The following NSUN6 variants were observed in gnomAD, a reference collection of about 807,000 sequenced individuals.
NSUN6 encodes the protein NOP2/Sun RNA methyltransferase 6.
Under a neutral mutation model 58.0 loss-of-function variants are expected in NSUN6, and 64 were observed. That is an observed-to-expected ratio of 1.10 (90% CI 0.90 to 1.36). The LOEUF is 1.36. NSUN6 is among the 40% of genes most tolerant of loss of function. NSUN6 has a pLI of 0.00. For synonymous variants in NSUN6, 231 were observed against 193.9 expected (o/e 1.19, Z -1.59); for missense variants, 701 against 550.1 (o/e 1.27, Z -2.74).
intron 4 of NSUN6, 128 bp downstream of exon 4, chr10:18,616,056 A>T: frequency 1.6e-6 from 1 of 616,346 alleles, no homozygotes; most frequent in South Asian, 2.0e-5. Flanking sequence ...CCCTAAATGC[A>T]AAGCTGGAAA....
chr10:18,605,679 G>C (rs1418397432), intron 6 of NSUN6, among the ~76,000 whole-genome samples: 1 of 152,176 alleles, frequency 6.6e-6, no homozygotes. Flanking sequence ...CATGGCTGTG[G>C]TCTAACTCCA....
chr10:18,616,505 T>G (rs1486200603), intron 3 of NSUN6, among the ~76,000 whole-genome samples: 1 of 151,934 alleles, frequency 6.6e-6, no homozygotes, highest in Non-Finnish European at 1.5e-5. Flanking sequence ...AATCAAGAGG[T>G]CCATCTGCTG....
At chr10:18,576,776 T>C (rs1367421024) in intron 8 of NSUN6, among the ~76,000 whole-genome samples, 2 of 152,120 alleles carry the variant, frequency 1.3e-5, no homozygotes, top group Non-Finnish European at 2.9e-5. Context: ...CCCGAGCAGA[T>C]TGTGGTGGTA....
At chr10:18,575,167 G>A (rs899167001) in intron 8 of NSUN6, among the ~76,000 whole-genome samples, 1 of 152,142 alleles carries the variant, frequency 6.6e-6, no homozygotes, top group African/African-American at 2.4e-5. Flanking sequence ...GGGGGCCCCA[G>A]GCCATGTGTG....
At chr10:18,652,362 C>T, upstream of NSUN6, 1 of 983,060 alleles carries the variant, frequency 1.0e-6, no homozygotes, top group Non-Finnish European at 1.2e-6. Flanking sequence ...TTTTGCAGCA[C>T]ACCATGGTAA....
At chr10:18,566,588 C>T (rs2055971974) in intron 8 of NSUN6, among the ~76,000 whole-genome samples, 1 of 150,750 alleles carries the variant, frequency 6.6e-6, no homozygotes, top group Non-Finnish European at 1.5e-5. Context: ...ATTCTACTCT[C>T]CATTCCATTC....
intron 3 of NSUN6, among the ~76,000 whole-genome samples, chr10:18,622,656 C>T: frequency 6.6e-6 from 1 of 152,154 alleles, no homozygotes. Flanking sequence ...TTGCAGTGAG[C>T]AGAGATCGTG....
At chr10:18,639,455 C>T (rs1644443532) in intron 3 of NSUN6, among the ~76,000 whole-genome samples, 2 of 152,116 alleles carry the variant, frequency 1.3e-5, no homozygotes, top group Non-Finnish European at 2.9e-5. Context: ...GGTCACATCA[C>T]TGCACTCCAG....
chr10:18,562,942 G>A (rs1225886044), intron 8 of NSUN6, among the ~76,000 whole-genome samples: 2 of 150,844 alleles, frequency 1.3e-5, no homozygotes, highest in African/African-American at 4.9e-5. Context: ...GAATGGAATG[G>A]AGAATGGAAT....
chr10:18,581,034 A>C (rs1327566489), intron 8 of NSUN6, among the ~76,000 whole-genome samples: 1 of 152,118 alleles, frequency 6.6e-6, no homozygotes, highest in Non-Finnish European at 1.5e-5. Context: ...TGACCTTCTG[A>C]CTTGGGGTTT....
At chr10:18,551,236 C>T (rs536232385) in intron 9 of NSUN6, among the ~76,000 whole-genome samples, 2 of 99,840 alleles carry the variant, frequency 2.0e-5, no homozygotes, top group East Asian at 8.5e-4. Context: ...AAAACTAGGT[C>T]CTCTCAGTTG....
In NSUN6 at chr10:18,552,130, C is replaced by T. The variant is rs538578074; in HGVS notation, c.923-159G>A. 2.2e-4 allele frequency among the ~76,000 whole-genome samples: 33 copies of T among 151,944 alleles called. 1 individual carries two copies. In the South Asian group the frequency reaches 6.9e-3, roughly 32 times the overall value. ...CTGGTTAAACTAATTTTGACTTATACCTAATACAGATTTGATGTGGTAGAA... is the reference window on the plus strand; with the variant it reads ...CTGGTTAAACTAATTTTGACTTATATCTAATACAGATTTGATGTGGTAGAA... On this transcript the variant is annotated intron_variant, in intron 8 of 10. Coordinates refer to ENST00000377304, the MANE Select transcript of NSUN6 (RefSeq NM_182543.5).
At chr10:18,627,194 C>A (rs909385838) in intron 3 of NSUN6, among the ~76,000 whole-genome samples, 1 of 152,028 alleles carries the variant, frequency 6.6e-6, no homozygotes, top group African/African-American at 2.4e-5. Context: ...CTGAAGAAAC[C>A]AAAATTTTAT....
chr10:18,631,674 A>T (rs1171948619), intron 3 of NSUN6, among the ~76,000 whole-genome samples: 1 of 147,742 alleles, frequency 6.8e-6, no homozygotes, highest in Non-Finnish European at 1.5e-5. Flanking sequence ...AGAGAATAAA[A>T]TGCCTAGGAA....
intron 8 of NSUN6, among the ~76,000 whole-genome samples, chr10:18,555,966 G>T (rs1306004281): frequency 6.7e-6 from 1 of 149,986 alleles, no homozygotes; most frequent in Admixed American, 6.7e-5. Flanking sequence ...AAATGGTATG[G>T]AATGGAGAAT....
chr10:18,566,965 C>T (rs575772467), intron 8 of NSUN6, among the ~76,000 whole-genome samples: 30 of 150,914 alleles, frequency 2.0e-4, no homozygotes, highest in African/African-American at 5.3e-4. Flanking sequence ...CATTCTATTC[C>T]ATTCTCCATT....
chr10:18,547,915 C>A (rs1174295142), intron 10 of NSUN6, among the ~76,000 whole-genome samples, 197 bp downstream of exon 10: 2 of 152,086 alleles, frequency 1.3e-5, no homozygotes, highest in African/African-American at 4.8e-5. Context: ...ATGGCAGGAA[C>A]AAAGATGAGA....
chr10:18,609,983 A>G (rs2058176042), intron 5 of NSUN6, 57 bp from the exon 6 acceptor site: 3 of 1,036,850 alleles, frequency 2.9e-6, no homozygotes, highest in East Asian at 2.4e-5. Context: ...TATACAAACT[A>G]TGTTTCCAGA....
Position 18,546,005 on chromosome 10 carries a change from G to T in NSUN6, c.1338C>A (p.Asp446Glu). Residue 446 changes from aspartate (D) to glutamate (E), a missense_variant, in exon 11 of 11, where the codon GAC becomes GAA. Physicochemically the swap from Asp to Glu is conservative, Grantham distance 45 (BLOSUM62 2). Transcript: ENST00000377304. ...MDSLREARRE[D>E]MLRLANKDSI... Reference sequence around the variant, plus strand: ...AGTCCTTATTAGCCAGACGCAACATGTCTTCTCTTCTGGCCTCTCTAAGAG... The same window carrying T: ...AGTCCTTATTAGCCAGACGCAACATTTCTTCTCTTCTGGCCTCTCTAAGAG... The T allele has an allele frequency of 6.3e-7, 1 of 1,582,864 alleles. No homozygotes were observed. Among genetic ancestry groups the T allele is most frequent in the South Asian group, 1.2e-5 (1 of 85,256 alleles).
Sources: allele counts gnomAD v4.1 joint callset (sites outside exome capture counted in the v4.1 genomes callset), GRCh38; gene constraint gnomAD v4.1.1; transcripts MANE v1.5; gene names NCBI Gene and HGNC (gene_info 2026-07-23, HGNC 2026-07-21).